PUM1: variants seen among roughly 807,000 people sequenced by gnomAD.
PUM1 encodes pumilio homolog 1.
PUM1 carries 13 observed loss-of-function variants against 131.8 expected under a neutral mutation model. That is an observed-to-expected ratio of 0.10 (90% confidence interval 0.06 to 0.16). PUM1 has a LOEUF of 0.16. Among genes scored for constraint, PUM1 ranks in the 10% least tolerant of loss-of-function variants. The probability of loss-of-function intolerance (pLI) is 1.00; values close to 1 mark genes in which losing one functional copy is unlikely to be tolerated. For missense variants in PUM1, 961 were observed against 1,512.4 expected (o/e 0.64, Z 6.05); for synonymous variants, 509 against 556.5 (o/e 0.91, Z 1.20).
At chr1:31,063,739 TA>T (rs1371714126) in intron 1 of PUM1, among the ~76,000 whole-genome samples, 6 of 152,192 alleles carry the variant, frequency 3.9e-5, no homozygotes, top group Non-Finnish European at 7.4e-5. Context: ...AAGACTCCTA[TA>T]AAAATGTTCA....
chr1:30,936,820 C>T lies in PUM1; in HGVS notation c.3258G>A (p.Lys1086=), dbSNP rs1422831303. 3.7e-6 allele frequency: 6 copies of T among 1,610,896 alleles called. No individual in the cohort carries two copies. In the South Asian group the frequency reaches 5.5e-5, roughly 15 times the overall value. Residue 1086 remains lysine, a synonymous_variant, in exon 21 of 22, where the codon AAG becomes AAA. Transcript: ENST00000426105. ...QHKFASNVVE[K]CVTHASRTER... is the part of the protein sequence containing the mutation. ...CCGTACGTGAGGCGTGAGTAACACA[C>T]TTCTCCACAACATTGCTGTAATGAG...
rs561833863 is a variant in PUM1, at chr1:30,997,897, C to G, written c.721-2677G>C. Among the ~76,000 whole-genome samples, 3 of 149,808 alleles carry G rather than the reference C, an allele frequency of 2.0e-5. 1 individual carries two copies. The highest frequency in any genetic ancestry group is 7.5e-5 in the African/African-American group (3 of 40,190). Reference sequence around the variant, plus strand: ...GCCTGAAATCTTGACTGCTAAGTTACACTTTCAGCCACTAATTTACATTCT... The same window carrying G: ...GCCTGAAATCTTGACTGCTAAGTTAGACTTTCAGCCACTAATTTACATTCT... On this transcript the variant is annotated intron_variant, in intron 5 of 21. Coordinates refer to ENST00000426105, the MANE Select transcript of PUM1 (RefSeq NM_001020658.2).
At chr1:30,995,348 AATCTAATT>A (rs1214089642) in intron 5 of PUM1, 128 bp from the exon 6 acceptor site, 4 of 988,866 alleles carry the variant, frequency 4.0e-6, no homozygotes. Flanking sequence ...CACACATTAC[AATCTAATT>A]AACAAACAAC....
chr1:31,052,411 T>C (rs1472140429), intron 2 of PUM1, among the ~76,000 whole-genome samples: 1 of 152,060 alleles, frequency 6.6e-6, no homozygotes, highest in Non-Finnish European at 1.5e-5. Flanking sequence ...TTTTCATTTT[T>C]TTTTTCTTTT....
chr1:31,020,269 T>C (rs1642974117), intron 3 of PUM1, among the ~76,000 whole-genome samples: 1 of 152,184 alleles, frequency 6.6e-6, no homozygotes, highest in African/African-American at 2.4e-5. Context: ...TGGGTGTAGG[T>C]GTACCACATG....
Position 31,056,609 on chromosome 1 carries a change from C to CTTTTTTTTTTT in PUM1, c.363+2584_363+2594dup, listed in dbSNP as rs57685772. ...CAGCTGAAAACCTTCCTTTTCTTTT[C>CTTTTTTTTTTT]TTTTTTTTTTTTTTTTTTTTTTTTT... is the stretch of plus-strand genomic sequence containing the variant. On this transcript the variant is annotated intron_variant, in intron 2 of 21. Transcript: ENST00000426105. 8.5e-3 allele frequency among the ~76,000 whole-genome samples: 370 copies of CTTTTTTTTTTT among 43,728 alleles called. 30 individuals are homozygous for CTTTTTTTTTTT. Among genetic ancestry groups the CTTTTTTTTTTT allele is most frequent in the Non-Finnish European group, 0.012 (291 of 24,888 alleles). 28.7% of individuals were successfully genotyped at this position (43,728 alleles called of 152,430 possible). A position where few individuals can be genotyped will look rare whatever the true frequency, so the allele number is the denominator to read the frequency against.
At chr1:30,974,835 T>A (rs768407896) in intron 9 of PUM1, 33 bp from the exon 10 acceptor site, 23 of 1,580,328 alleles carry the variant, frequency 1.5e-5, no homozygotes, top group Non-Finnish European at 1.9e-5. Context: ...AAAGAAAGTC[T>A]GAACTACTGA....
At chr1:30,978,227 C>T (rs1254517360) in intron 9 of PUM1, among the ~76,000 whole-genome samples, 4 of 151,982 alleles carry the variant, frequency 2.6e-5, no homozygotes, top group African/African-American at 9.7e-5. Context: ...CCAGCCTGGG[C>T]GAGAGAGCAA....
At chr1:31,043,123 C>T (rs2124573622) in intron 2 of PUM1, among the ~76,000 whole-genome samples, 1 of 152,280 alleles carries the variant, frequency 6.6e-6, no homozygotes, top group Admixed American at 6.5e-5. Flanking sequence ...AGGCTTCTGA[C>T]CCTTAAAAGT....
chr1:31,043,032 CT>C (rs1643869579), intron 2 of PUM1, among the ~76,000 whole-genome samples: 2 of 152,028 alleles, frequency 1.3e-5, no homozygotes, highest in Admixed American at 6.6e-5. Context: ...AAACAATTAT[CT>C]TTATAATTCC....
At chr1:31,029,371 C>T (rs558396550) in intron 2 of PUM1, among the ~76,000 whole-genome samples, 1 of 152,298 alleles carries the variant, frequency 6.6e-6, no homozygotes, top group South Asian at 2.1e-4. Context: ...CAATATCTCT[C>T]CATATTGGGA....
rs1390633960 is a variant in PUM1, at chr1:31,039,791, T to G, written c.364-10927A>C. 2.6e-5 allele frequency among the ~76,000 whole-genome samples: 4 copies of G among 152,090 alleles called. No individual in the cohort carries two copies. In the East Asian group the frequency reaches 5.8e-4, roughly 22 times the overall value. On this transcript the variant is annotated intron_variant, in intron 2 of 21. Transcript: ENST00000426105. ...TGGCGCACTTGTAATCCCAGCTACC[T>G]GGGAGGCTGTGGCAGGATAATCGCT... is the stretch of plus-strand genomic sequence containing the variant.
chr1:31,033,376 CTTTTTTTTTTTTTT>C (rs748444500), intron 2 of PUM1, among the ~76,000 whole-genome samples: 66 of 102,536 alleles, frequency 6.4e-4, no homozygotes, highest in African/African-American at 6.1e-4. Flanking sequence ...AGCTAATTTT[CTTTTTTTTTTTTTT>C]TTTTTTTTTT....
chr1:30,980,038 C>A, intron 9 of PUM1, 24 bp downstream of exon 9: 2 of 1,518,146 alleles, frequency 1.3e-6, no homozygotes, highest in South Asian at 1.2e-5. Context: ...GTGAGAAAAT[C>A]CCTCATGCAG....
intron 14 of PUM1, among the ~76,000 whole-genome samples, chr1:30,958,423 A>G (rs895640537): frequency 2.6e-5 from 4 of 152,202 alleles, no homozygotes; most frequent in African/African-American, 9.6e-5. Flanking sequence ...CTTTTCTTCC[A>G]GGGCAAATGA....
At chr1:30,943,201 T>C (rs973879655) in intron 18 of PUM1, among the ~76,000 whole-genome samples, 2 of 152,226 alleles carry the variant, frequency 1.3e-5, no homozygotes, top group African/African-American at 4.8e-5. Context: ...ACATTATGAT[T>C]CCCATGTTCA....
At chr1:31,060,625 G>A (rs777468801) in intron 1 of PUM1, among the ~76,000 whole-genome samples, 5 of 151,892 alleles carry the variant, frequency 3.3e-5, no homozygotes, top group East Asian at 3.9e-4. Context: ...GGTGGCTCAC[G>A]CCTATAATCC....
At position 31,059,289 on chromosome 1, in the gene PUM1, A is replaced by AGCT; in HGVS notation, c.275_277dup (p.Gln92dup). The AGCT allele has an allele frequency of 6.2e-7, 1 of 1,614,040 alleles. No individual in the cohort carries two copies. The highest frequency in any genetic ancestry group is 1.1e-5 in the South Asian group (1 of 91,070). ...GCCTCCTCCACTTCCTCCTCCCCCA[A>AGCT]GCTGCTCACCATGCTGCCTCTGAAA... On this transcript the variant is annotated inframe_insertion, in exon 2 of 22. Transcript: ENST00000426105.
chr1:31,031,541 C>G (rs969718965), intron 2 of PUM1, among the ~76,000 whole-genome samples: 1 of 152,240 alleles, frequency 6.6e-6, no homozygotes, highest in Non-Finnish European at 1.5e-5. Flanking sequence ...AGAGCACTTA[C>G]ATGGCACTGC....
Sources: allele counts gnomAD v4.1 joint callset (sites outside exome capture counted in the v4.1 genomes callset), GRCh38; gene constraint gnomAD v4.1.1; transcripts MANE v1.5; gene names NCBI Gene and HGNC (gene_info 2026-07-23, HGNC 2026-07-21).